Variants in CLRN2 observed in about 807,000 individuals in gnomAD.
The protein encoded by CLRN2 is clarin-2.
A neutral mutation model predicts 20.1 loss-of-function variants in CLRN2; 17 were observed. That is an observed-to-expected ratio of 0.85 (90% CI 0.58 to 1.27). CLRN2 has a LOEUF of 1.27. Ranked by LOEUF, CLRN2 falls within the 50% of genes most tolerant of loss-of-function variation. The pLI is 0.00. For missense variants in CLRN2, 288 were observed against 299.5 expected (o/e 0.96, Z 0.28); for synonymous variants, 140 against 126.9 (o/e 1.10, Z -0.70).
chr4:17,517,759 T>G (rs1189328337), intron 1 of CLRN2, among the ~76,000 whole-genome samples: 2 of 152,190 alleles, frequency 1.3e-5, no homozygotes, highest in East Asian at 3.8e-4. Flanking sequence ...AGGTTTTGTT[T>G]CCTGCTGCCC....
chr4:17,519,224 T>C (rs964083648), intron 1 of CLRN2, among the ~76,000 whole-genome samples: 1 of 152,248 alleles, frequency 6.6e-6, no homozygotes. Context: ...TGCTGATAGA[T>C]GCATCATATG....
At chr4:17,521,034 T>TAA (rs1711826406) in intron 1 of CLRN2, among the ~76,000 whole-genome samples, 1 of 149,902 alleles carries the variant, frequency 6.7e-6, no homozygotes, top group African/African-American at 2.5e-5. Flanking sequence ...TAAAAATAAA[T>TAA]AAATATCAGC....
At chr4:17,525,824 G>A (rs866058102) in intron 2 of CLRN2, among the ~76,000 whole-genome samples, 1 of 152,026 alleles carries the variant, frequency 6.6e-6, no homozygotes, top group Non-Finnish European at 1.5e-5. Context: ...ATGTTCAAAG[G>A]GTTCAAGCTG....
intron 2 of CLRN2, 96 bp downstream of exon 2, chr4:17,523,139 C>A: frequency 9.9e-7 from 1 of 1,015,200 alleles, no homozygotes; most frequent in Non-Finnish European, 1.4e-6. Flanking sequence ...CTAAAATGCC[C>A]CACTGGAGCC....
At position 17,527,056 on chromosome 4, in the gene CLRN2, G is replaced by A; in HGVS notation, c.673G>A (p.Val225Ile). Reference sequence around the variant, plus strand: ...TAAGACCAAAATCGAAGAGGCCACGGTCACAGCTGAGGATATCTTGTATTA... The same window carrying A: ...TAAGACCAAAATCGAAGAGGCCACGATCACAGCTGAGGATATCTTGTATTA... ...EIKTKIEEAT[V>I]TAEDILY is the part of the protein sequence containing the mutation. The change falls in exon 3 of 3, where the codon GTC (valine) becomes ATC (isoleucine). Residue 225 changes from valine (V) to isoleucine (I), a missense_variant. Val to Ile is a conservative substitution (Grantham distance 29, BLOSUM62 3). Coordinates refer to ENST00000511148, the MANE Select transcript of CLRN2 (RefSeq NM_001079827.2). The A allele has an allele frequency of 6.2e-7, 1 of 1,614,002 alleles. No homozygotes were observed. Among genetic ancestry groups the A allele is most frequent in the Non-Finnish European group, 8.5e-7 (1 of 1,179,904 alleles).
intron 2 of CLRN2, among the ~76,000 whole-genome samples, chr4:17,524,554 C>G (rs577614118): frequency 1.3e-5 from 2 of 152,020 alleles, no homozygotes; most frequent in South Asian, 4.2e-4. Context: ...CATGGCTTAC[C>G]CTCATCAAGA....
chr4:17,517,077 C>A (rs950523101), intron 1 of CLRN2, among the ~76,000 whole-genome samples: 6 of 152,252 alleles, frequency 3.9e-5, no homozygotes, highest in Non-Finnish European at 5.9e-5. Context: ...TAGGGAAATT[C>A]AATGGGCTTA....
chr4:17,518,207 A>G (rs1169752446), intron 1 of CLRN2, among the ~76,000 whole-genome samples: 1 of 152,150 alleles, frequency 6.6e-6, no homozygotes, highest in Non-Finnish European at 1.5e-5. Context: ...TCCCCAAAAA[A>G]TCACCCAGGG....
intron 1 of CLRN2, among the ~76,000 whole-genome samples, chr4:17,521,285 G>A (rs751392979): frequency 1.3e-5 from 2 of 152,174 alleles, no homozygotes; most frequent in Non-Finnish European, 2.9e-5. Flanking sequence ...CAATGTAAAC[G>A]TGGAGTGCCT....
chr4:17,516,317 G>A (rs972434000), intron 1 of CLRN2, among the ~76,000 whole-genome samples: 4 of 152,200 alleles, frequency 2.6e-5, no homozygotes, highest in African/African-American at 9.6e-5. Context: ...ACTTAGGAAC[G>A]GGCTTCTGGA....
chr4:17,519,478 T>G (rs1711783508), intron 1 of CLRN2, among the ~76,000 whole-genome samples: 1 of 152,212 alleles, frequency 6.6e-6, no homozygotes, highest in Non-Finnish European at 1.5e-5. Context: ...GCTATTTCAC[T>G]TCTCCGAGCC....
intron 1 of CLRN2, among the ~76,000 whole-genome samples, chr4:17,516,190 C>T (rs1191223560): frequency 2.0e-5 from 3 of 152,230 alleles, no homozygotes; most frequent in Non-Finnish European, 4.4e-5. Flanking sequence ...TCAAGCAAGG[C>T]ACTTGCCTGT....
At chr4:17,521,858 C>G (rs1261641607) in intron 1 of CLRN2, among the ~76,000 whole-genome samples, 1 of 152,130 alleles carries the variant, frequency 6.6e-6, no homozygotes, top group Admixed American at 6.5e-5. Context: ...AGGCAGATCT[C>G]AAAGATAAAA....
chr4:17,522,915 T>C lies in CLRN2; in HGVS notation c.305T>C (p.Leu102Pro), dbSNP rs1711867612. 1 of 1,614,084 alleles carries C rather than the reference T, an allele frequency of 6.2e-7. No individual in the cohort carries two copies. The highest frequency in any genetic ancestry group is 2.2e-5 in the East Asian group (1 of 44,880). The change falls in exon 2 of 3, where the codon CTG (leucine) becomes CCG (proline). Residue 102 changes from leucine (L) to proline (P), a missense_variant. By Grantham distance (98) the Leu-to-Pro change is moderately conservative. Coordinates refer to ENST00000511148, the MANE Select transcript of CLRN2 (RefSeq NM_001079827.2). ...ELNAGLHVMILLLLFLALALA... is the reference protein window; with the variant it reads ...ELNAGLHVMIPLLLFLALALA... ...AACGCAGGCCTTCATGTGATGATTC[T>C]GCTGCTCCTCTTCCTGGCCTTGGCC...
In CLRN2 at chr4:17,515,392, T is replaced by G. The variant is rs1230371508; in HGVS notation, c.126T>G (p.Thr42=). 9 of 1,614,016 alleles carry G rather than the reference T, an allele frequency of 5.6e-6. No individual in the cohort carries two copies. The highest frequency in any genetic ancestry group is 7.6e-6 in the Non-Finnish European group (9 of 1,179,898). ...TGAGTGGGAAAATCCTTTGTCAGAC[T>G]GGAGTGGATCTGGTCAACGCCACAG... is the stretch of plus-strand genomic sequence containing the variant. The part of the protein sequence containing the change: ...HWLSGKILCQ[T]GVDLVNATDR... The change falls in exon 1 of 3, where the codon ACT becomes ACG. Residue 42 remains threonine (T), a synonymous_variant. Coordinates refer to ENST00000511148, the MANE Select transcript of CLRN2 (RefSeq NM_001079827.2).
chr4:17,524,499 G>T (rs1220516598), intron 2 of CLRN2, among the ~76,000 whole-genome samples: 1 of 151,982 alleles, frequency 6.6e-6, no homozygotes, highest in Non-Finnish European at 1.5e-5. Context: ...TTATGTATTT[G>T]CCTTTGTTTG....
intron 1 of CLRN2, among the ~76,000 whole-genome samples, chr4:17,517,872 G>T (rs1229540997): frequency 6.6e-6 from 1 of 152,134 alleles, no homozygotes; most frequent in Non-Finnish European, 1.5e-5. Flanking sequence ...GGTTCCTCCT[G>T]TGCTTGGCTG....
chr4:17,525,259 T>G (rs1711944948), intron 2 of CLRN2, among the ~76,000 whole-genome samples: 1 of 152,212 alleles, frequency 6.6e-6, no homozygotes, highest in Non-Finnish European at 1.5e-5. Flanking sequence ...TTTCTATAAT[T>G]TAGTAGAGAC....
At chr4:17,517,420 G>A (rs1046482800) in intron 1 of CLRN2, among the ~76,000 whole-genome samples, 2 of 152,142 alleles carry the variant, frequency 1.3e-5, no homozygotes, top group African/African-American at 4.8e-5. Context: ...AACCCCAACA[G>A]GTAAATCGTT....
Sources: gnomAD v4.1 joint callset for allele counts (sites outside exome capture counted in the v4.1 genomes callset) on GRCh38, gnomAD v4.1.1 for gene constraint, MANE v1.5 for transcripts, NCBI Gene and HGNC (gene_info 2026-07-23, HGNC 2026-07-21) for gene names.